NT5DC4: variants seen among roughly 807,000 people sequenced by gnomAD.
The protein encoded by NT5DC4 is 5'-nucleotidase domain-containing protein 4.
In NT5DC4, 44 loss-of-function variants were observed where a neutral mutation model predicts 26.6. The ratio of observed to expected loss-of-function variants is 1.65; its 90% CI spans 1.30 to 2.13. NT5DC4 has a LOEUF of 2.13. NT5DC4 is among the 30% of genes most tolerant of loss of function. The pLI, the probability that NT5DC4 is intolerant of heterozygous loss-of-function variation, is 0.00. For synonymous variants in NT5DC4, 157 were observed against 86.7 expected, an observed-to-expected ratio of 1.81 and a Z score of -4.51; for missense variants, 399 against 228.1, an observed-to-expected ratio of 1.75 and a Z score of -4.83.
rs913396843 is a variant in NT5DC4 at position 112,725,439 on chromosome 2, T to C, written c.1040T>C (p.Ile347Thr). 13 of 717,022 alleles carry C rather than the reference T, an allele frequency of 1.8e-5. No homozygotes were observed. In the African/African-American group the frequency reaches 1.9e-4, roughly 11 times the overall value. 44.4% of individuals were successfully genotyped at this position (717,022 alleles called of 1,614,324 possible). A position where few individuals can be genotyped will look rare whatever the true frequency, so the allele number is the denominator to read the frequency against. Residue 347 changes from isoleucine (I) to threonine (T), a missense_variant, in exon 13 of 17, where the codon ATT (isoleucine) becomes ACT (threonine). Transcript: ENST00000688554. ...GTTCGGGGGATGGACATCCTGTACATTGGGGACCACATTTTTGGGGACATT... is the reference window on the plus strand; with the variant it reads ...GTTCGGGGGATGGACATCCTGTACACTGGGGACCACATTTTTGGGGACATT... ...LGVRGMDILY[I>T]GDHIFGDILK...
At chr2:112,719,676 G>A (rs181615987), upstream of NT5DC4, among the ~76,000 whole-genome samples, 66 of 151,860 alleles carry the variant, frequency 4.3e-4, no homozygotes, top group South Asian at 1.7e-3. Context: ...AGTAGAGATG[G>A]GGTTTCACCG....
downstream of NT5DC4, chr2:112,739,099 T>A (rs776642928): frequency 2.9e-6 from 4 of 1,372,548 alleles, no homozygotes; most frequent in African/African-American, 1.5e-5. Flanking sequence ...AAAAAAATTA[T>A]CTTTATTATT....
chr2:112,739,152 C>T, downstream of NT5DC4: 1 of 892,954 alleles, frequency 1.1e-6, no homozygotes, highest in South Asian at 1.7e-5. Context: ...GACATTTTAA[C>T]ATAGGGTGAT....
At chr2:112,739,352 T>G (rs1034087119), downstream of NT5DC4, among the ~76,000 whole-genome samples, 16 of 152,028 alleles carry the variant, frequency 1.1e-4, no homozygotes, top group African/African-American at 3.6e-4. Flanking sequence ...GCCCAGAAGG[T>G]CAAGGCTGCA....
downstream of NT5DC4, among the ~76,000 whole-genome samples, chr2:112,741,248 G>C (rs1432592732): frequency 6.6e-6 from 1 of 151,966 alleles, no homozygotes; most frequent in Admixed American, 6.6e-5. Context: ...GCTGTACGTA[G>C]ATTCTTGACA....
chr2:112,723,577 G>A (rs1307340355), intron 8 of NT5DC4, 109 bp downstream of exon 8: 7 of 683,580 alleles, frequency 1.0e-5, no homozygotes, highest in African/African-American at 5.3e-5. Flanking sequence ...TCTGCTCCCC[G>A]GATGGCTGGG....
chr2:112,725,998 T>C (rs576042487), intron 13 of NT5DC4, among the ~76,000 whole-genome samples: 147 of 152,260 alleles, frequency 9.7e-4, no homozygotes, highest in Non-Finnish European at 1.8e-3. Context: ...GTTTGAGTCA[T>C]TGCCGTGTGA....
At chr2:112,736,179 C>CT (rs1431137904) in intron 16 of NT5DC4, among the ~76,000 whole-genome samples, 1 of 152,090 alleles carries the variant, frequency 6.6e-6, no homozygotes, top group Admixed American at 6.6e-5. Context: ...AGGACAGTGT[C>CT]TGAGGTTCAA....
chr2:112,726,301 G>A lies in NT5DC4; in HGVS notation c.1205+12G>A. ...GCAGACATATACCAGTGAGACCCTGGCCTTTCTGGGGGTGGGATGGGGCAG... is the reference window on the plus strand; with the variant it reads ...GCAGACATATACCAGTGAGACCCTGACCTTTCTGGGGGTGGGATGGGGCAG... On this transcript the variant is annotated intron_variant, in intron 14 of 16. Transcript: ENST00000688554. The A allele has an allele frequency of 1.4e-6, 1 of 717,366 alleles. No individual in the cohort carries two copies. Among genetic ancestry groups the A allele is most frequent in the Non-Finnish European group, 2.6e-6 (1 of 385,014 alleles). The allele number at this position is 717,366 out of a possible 1,614,324, so 44.4% of individuals were successfully genotyped here. A position where few individuals can be genotyped will look rare whatever the true frequency, so the allele number is the denominator to read the frequency against.
At chr2:112,735,770 A>G (rs78952722) in intron 16 of NT5DC4, among the ~76,000 whole-genome samples, 4,758 of 152,214 alleles carry the variant, frequency 0.031, 87 homozygotes, top group Non-Finnish European at 0.05. Flanking sequence ...TACCATCCAC[A>G]ATCATTTCCA....
chr2:112,722,228 C>T lies in NT5DC4; in HGVS notation c.312C>T (p.Asp104=), dbSNP rs971361459. 1.7e-5 allele frequency: 12 copies of T among 716,888 alleles called. No homozygotes were observed. Among genetic ancestry groups the T allele is most frequent in the East Asian group, 1.3e-4 (5 of 37,296 alleles). The allele number at this position is 716,888 out of a possible 1,614,324, so 44.4% of individuals were successfully genotyped here. A position where few individuals can be genotyped will look rare whatever the true frequency, so the allele number is the denominator to read the frequency against. ...TCTATGGGAACCTGCTGAAGGTGGA[C>T]GCCCACGGGAATGTGCTGCTGGGTG... ...DELYGNLLKV[D]AHGNVLLGAY... The change falls in exon 4 of 17, where the codon GAC becomes GAT. Residue 104 remains aspartate (D), a synonymous_variant. Transcript: ENST00000688554.
In NT5DC4 at chr2:112,726,381, C is replaced by G. The variant is rs1411083059; in HGVS notation, c.1205+92C>G. On this transcript the variant is annotated intron_variant, in intron 14 of 16. Coordinates refer to ENST00000688554, the MANE Select transcript of NT5DC4 (RefSeq NM_001393655.1). ...TCCCTGCCTGGCGGCGAGGTCCCGG[C>G]CAAGGTTGTCAGAACATCAAGATCT... 5.7e-6 allele frequency: 4 copies of G among 705,698 alleles called. No individual in the cohort carries two copies. The Admixed American group carries it at 8.2e-5, about 14-fold the overall frequency. The allele number at this position is 705,698 out of a possible 1,614,324, so 43.7% of individuals were successfully genotyped here. A position where few individuals can be genotyped will look rare whatever the true frequency, so the allele number is the denominator to read the frequency against.
chr2:112,721,377 C>G, intron 1 of NT5DC4: 1 of 676,548 alleles, frequency 1.5e-6, no homozygotes, highest in Non-Finnish European at 2.7e-6. Flanking sequence ...CTTCCCTCCA[C>G]GAAGATCTCT....
At chr2:112,721,539 G>A in intron 1 of NT5DC4, 1 of 717,862 alleles carries the variant, frequency 1.4e-6, no homozygotes, top group Non-Finnish European at 2.6e-6. Context: ...CCTATAACAT[G>A]CCTGCATGGT....
chr2:112,742,861 TAA>T (rs1157924246), downstream of NT5DC4: 1 of 808,124 alleles, frequency 1.2e-6, no homozygotes, highest in East Asian at 2.5e-5. Flanking sequence ...TGTTTTATAA[TAA>T]AAGTTTCCTT....
At chr2:112,740,595 G>A (rs1466604135), downstream of NT5DC4, among the ~76,000 whole-genome samples, 1 of 152,120 alleles carries the variant, frequency 6.6e-6, no homozygotes, top group Admixed American at 6.5e-5. Context: ...GTCAGGACTT[G>A]CAGGAAAGGC....
At chr2:112,723,031 C>A in intron 6 of NT5DC4, 50 bp from the exon 7 acceptor site, 1 of 672,312 alleles carries the variant, frequency 1.5e-6, no homozygotes, top group South Asian at 1.7e-5. Context: ...GGTTGGAGGT[C>A]ATTTCAGGCC....
chr2:112,721,748 C>A (rs183544139), intron 1 of NT5DC4, 70 bp from the exon 2 acceptor site: 4 of 716,826 alleles, frequency 5.6e-6, no homozygotes, highest in Admixed American at 2.0e-5. Flanking sequence ...GTTTCCACCC[C>A]CTCTGTCCTT....
intron 13 of NT5DC4, among the ~76,000 whole-genome samples, chr2:112,725,820 G>A (rs534157096): frequency 4.6e-5 from 7 of 152,118 alleles, no homozygotes; most frequent in South Asian, 2.1e-4. Flanking sequence ...TTCTGCAGGC[G>A]GTGCCTTCCT....
Sources: gnomAD v4.1 joint callset for allele counts (sites outside exome capture counted in the v4.1 genomes callset) on GRCh38, gnomAD v4.1.1 for gene constraint, MANE v1.5 for transcripts, NCBI Gene and HGNC (gene_info 2026-07-23, HGNC 2026-07-21) for gene names.